The following TFRC variants were observed in gnomAD, a reference collection of about 807,000 sequenced individuals.
The protein encoded by TFRC is transferrin receptor.
In TFRC, 35 loss-of-function variants were observed where a neutral mutation model predicts 85.8. The observed-to-expected ratio is 0.41, with a 90% confidence interval of 0.31 to 0.54. The LOEUF is 0.54. TFRC is among the 20% of genes least tolerant of loss of function. The pLI, the probability that TFRC is intolerant of heterozygous loss-of-function variation, is 0.31. For synonymous variants in TFRC, 362 were observed against 328.6 expected, an observed-to-expected ratio of 1.10 and a Z score of -1.10; for missense variants, 828 against 921.5, an observed-to-expected ratio of 0.90 and a Z score of 1.31.
chr3:196,065,748 T>C (rs994429540), intron 9 of TFRC, 148 bp from the exon 10 acceptor site: 3 of 770,614 alleles, frequency 3.9e-6, no homozygotes, highest in Non-Finnish European at 5.8e-6. Flanking sequence ...TCCCAGCACT[T>C]TGGGAGGCTG....
At chr3:196,056,232 C>T (rs1464873946) in intron 16 of TFRC, among the ~76,000 whole-genome samples, 3 of 152,126 alleles carry the variant, frequency 2.0e-5, no homozygotes, top group African/African-American at 7.2e-5. Context: ...AGTCTAGGCA[C>T]GTTACCCAGG....
chr3:196,069,723 A>T (rs1440526432), intron 6 of TFRC, 155 bp from the exon 7 acceptor site: 2 of 532,798 alleles, frequency 3.8e-6, no homozygotes, highest in Non-Finnish European at 6.7e-6. Flanking sequence ...GTTCTAAAAA[A>T]CTTTACAACT....
In TFRC at chr3:196,065,435, G is replaced by GGGGGGGTTTAAAGGGT; in HGVS notation, c.1198+7_1198+8insACCCTTTAAACCCCCC. On this transcript the variant is annotated splice_region_variant and intron_variant, in intron 10 of 18. Transcript: ENST00000360110. ...AGCGGGGCGGGGGGGGGGGGGGGCGGTCTTTACCTGGTTCTACAAAGCCTT... is the reference window on the plus strand; with the variant it reads ...AGCGGGGCGGGGGGGGGGGGGGGCGGGGGGGGTTTAAAGGGTTCTTTACCTGGTTCTACAAAGCCTT... 1 of 655,718 alleles carries GGGGGGGTTTAAAGGGT rather than the reference G, an allele frequency of 1.5e-6. No individual in the cohort carries two copies. Among genetic ancestry groups the GGGGGGGTTTAAAGGGT allele is most frequent in the Non-Finnish European group, 2.2e-6 (1 of 463,142 alleles). The allele number at this position is 655,718 out of a possible 1,614,324, so 40.6% of individuals were successfully genotyped here.
chr3:196,057,331 C>G (rs1013291636), intron 16 of TFRC, among the ~76,000 whole-genome samples: 1 of 152,066 alleles, frequency 6.6e-6, no homozygotes, highest in Non-Finnish European at 1.5e-5. Context: ...GCATGCAACC[C>G]CCAGTCACGT....
rs2108655940 is a variant in TFRC at position 196,074,112 on chromosome 3, G to A, written c.252C>T (p.Gly84=). Residue 84 remains glycine (G), a synonymous_variant, in exon 4 of 19, where the codon GGC becomes GGT. Transcript: ENST00000360110. ...IVFFLIGFMI[G]YLGYCKGVEP... is the part of the protein sequence containing the mutation. ...CTACCCCTTTACAATAGCCCAAGTA[G>A]CCAATCATAAATCCTAAAGAGACAA... 6.2e-7 allele frequency: 1 copy of A among 1,612,798 alleles called. No homozygotes were observed. The highest frequency in any genetic ancestry group is 8.5e-7 in the Non-Finnish European group (1 of 1,179,374).
chr3:196,073,596 T>C (rs1718411984), intron 4 of TFRC, among the ~76,000 whole-genome samples: 1 of 152,118 alleles, frequency 6.6e-6, no homozygotes, highest in Admixed American at 6.6e-5. Context: ...GATGTCCTTG[T>C]CAGCAAAGCA....
chr3:196,071,694 C>T (rs372475930), intron 5 of TFRC, among the ~76,000 whole-genome samples, 196 bp from the exon 6 acceptor site: 1 of 152,204 alleles, frequency 6.6e-6, no homozygotes, highest in African/African-American at 2.4e-5. Flanking sequence ...GAGGCCCAGG[C>T]GGGCTGATCA....
In TFRC at chr3:196,055,214, C is replaced by G; in HGVS notation, c.1765G>C (p.Ala589Pro). 1 of 1,614,220 alleles carries G rather than the reference C, an allele frequency of 6.2e-7. No homozygotes were observed. Among genetic ancestry groups the G allele is most frequent in the Non-Finnish European group, 8.5e-7 (1 of 1,180,040 alleles). ...AACTGACCAGCGACCTCTGCAGCTG[C>G]TCGTGCCACTTTGTTCAACTCAGGA... is the stretch of plus-strand genomic sequence containing the variant. ...RIPELNKVARAAAEVAGQFVI... is the reference protein window; with the variant it reads ...RIPELNKVARPAAEVAGQFVI... The change falls in exon 17 of 19, where the codon GCA becomes CCA. Residue 589 changes from alanine (A) to proline (P), a missense_variant. By Grantham distance (27) the Ala-to-Pro change is conservative (BLOSUM62 -1). Transcript: ENST00000360110.
intron 6 of TFRC, among the ~76,000 whole-genome samples, chr3:196,070,106 T>C (rs377187118): frequency 6.6e-6 from 1 of 152,164 alleles, no homozygotes; most frequent in Admixed American, 6.5e-5. Context: ...AAATCTTCAA[T>C]GTTCTTTAAC....
chr3:196,072,101 A>T lies in TFRC; in HGVS notation c.486T>A (p.Asp162Glu). The T allele has an allele frequency of 6.2e-7, 1 of 1,614,198 alleles. No individual in the cohort carries two copies. The highest frequency in any genetic ancestry group is 8.5e-7 in the Non-Finnish European group (1 of 1,180,036). ...TTTCAACATACAACGCAAGATTTTC[A>T]TCTTTTTGAGATCCAGCCTCACGAG... Reference protein sequence around the residue: ...YVPREAGSQKDENLALYVENQ... With the variant: ...YVPREAGSQKEENLALYVENQ... Residue 162 changes from aspartate (D) to glutamate (E), a missense_variant, in exon 5 of 19, where the codon GAT (aspartate) becomes GAA (glutamate). By Grantham distance (45) the Asp-to-Glu change is conservative. Transcript: ENST00000360110.
At chr3:196,081,361 C>T (rs1011260416) in intron 1 of TFRC, among the ~76,000 whole-genome samples, 1 of 152,194 alleles carries the variant, frequency 6.6e-6, no homozygotes, top group Non-Finnish European at 1.5e-5. Flanking sequence ...GTACCAGAGC[C>T]GAAGGGTAAG....
intron 2 of TFRC, among the ~76,000 whole-genome samples, chr3:196,076,105 C>T (rs1303032339): frequency 1.3e-5 from 2 of 151,786 alleles, no homozygotes; most frequent in African/African-American, 4.8e-5. Context: ...ACACTGCATT[C>T]CAACCTGGGC....
rs1303696648 is a variant in TFRC at position 196,072,158 on chromosome 3, G to A, written c.435-6C>T. ...ATGAATTTTCATTCAGCAGCCTGGA[G>A]GAGAAAATGCCTTTTAAATGAACTT... On this transcript the variant is annotated splice_region_variant and splice_polypyrimidine_tract_variant and intron_variant, in intron 4 of 18. Coordinates refer to ENST00000360110, the MANE Select transcript of TFRC (RefSeq NM_001128148.3). 6.2e-7 allele frequency: 1 copy of A among 1,611,230 alleles called. No homozygotes were observed. Among genetic ancestry groups the A allele is most frequent in the African/African-American group, 1.3e-5 (1 of 74,742 alleles).
chr3:196,079,071 GGAAATCGAAGGCGTGA>G (rs1372450601), intron 1 of TFRC, among the ~76,000 whole-genome samples: 1 of 152,070 alleles, frequency 6.6e-6, no homozygotes, highest in Non-Finnish European at 1.5e-5. Context: ...AACATCCCAA[GGAAATCGAAGGCGTGA>G]GCCACTGCGC....
At chr3:196,058,745 T>A (rs1231179982) in intron 14 of TFRC, 113 bp from the exon 15 acceptor site, 1 of 605,624 alleles carries the variant, frequency 1.7e-6, no homozygotes, top group Non-Finnish European at 2.7e-6. Context: ...GTATTATATC[T>A]TCTTGAAAAG....
intron 10 of TFRC, 79 bp from the exon 11 acceptor site, chr3:196,064,507 A>ATGAGACCCC: frequency 7.2e-7 from 1 of 1,387,732 alleles, no homozygotes. Flanking sequence ...CATCAGTAGA[A>ATGAGACCCC]AGGTAAAAGC....
chr3:196,051,879 G>T lies in TFRC; in HGVS notation c.*63C>A. ...TGTAGCCCTACTGAAAATTTAGCAC[G>T]ATCAGCACAAGTCTAGAAACCAGAC... On this transcript the variant is annotated 3_prime_UTR_variant, in exon 19 of 19. Transcript: ENST00000360110. The T allele has an allele frequency of 1.3e-6, 2 of 1,563,142 alleles. No individual in the cohort carries two copies. The highest frequency in any genetic ancestry group is 2.4e-5 in the South Asian group (2 of 83,430).
At chr3:196,064,019 T>C (rs535437682) in intron 11 of TFRC, among the ~76,000 whole-genome samples, 1 of 152,166 alleles carries the variant, frequency 6.6e-6, no homozygotes, top group Non-Finnish European at 1.5e-5. Flanking sequence ...ATAGATTGCT[T>C]AGGGACTATG....
chr3:196,075,784 A>G (rs898601181), intron 2 of TFRC, among the ~76,000 whole-genome samples: 2 of 152,128 alleles, frequency 1.3e-5, no homozygotes, highest in African/African-American at 4.8e-5. Context: ...AATAAAACAA[A>G]GTTATAAATA....
Sources: allele counts gnomAD v4.1 joint callset (sites outside exome capture counted in the v4.1 genomes callset), GRCh38; gene constraint gnomAD v4.1.1; transcripts MANE v1.5; gene names NCBI Gene and HGNC (gene_info 2026-07-23, HGNC 2026-07-21).